ST8SIA3: variants seen among roughly 807,000 people sequenced by gnomAD.
ST8SIA3 encodes ST8 alpha-N-acetyl-neuraminide alpha-2,8-sialyltransferase 3.
A neutral mutation model predicts 34.5 loss-of-function variants in ST8SIA3; 17 were observed. The ratio of observed to expected loss-of-function variants is 0.49; its 90% CI spans 0.34 to 0.74. ST8SIA3 has a LOEUF of 0.74. ST8SIA3 is among the 30% of genes least tolerant of loss of function. The pLI is 0.01. For missense variants in ST8SIA3, 354 were observed against 467.8 expected, an observed-to-expected ratio of 0.76 and a Z score of 2.24; for synonymous variants, 172 against 176.1, an observed-to-expected ratio of 0.98 and a Z score of 0.19.
intron 2 of ST8SIA3, 31 bp from the exon 3 acceptor site, chr18:57,356,882 A>T: frequency 7.3e-7 from 1 of 1,372,988 alleles, no homozygotes; most frequent in South Asian, 1.3e-5. Flanking sequence ...TTCTGAATGG[A>T]ATGCTTTTCA....
chr18:57,354,208 G>C (rs985830747), intron 1 of ST8SIA3, among the ~76,000 whole-genome samples, 194 bp from the exon 2 acceptor site: 1 of 152,218 alleles, frequency 6.6e-6, no homozygotes, highest in Non-Finnish European at 1.5e-5. Flanking sequence ...AATGCAGATG[G>C]GGTTCCCTAG....
At position 57,368,113 on chromosome 18, in the gene ST8SIA3, T is replaced by TA. The variant is rs2049870739; in HGVS notation, c.*7837dup. On this transcript the variant is annotated 3_prime_UTR_variant, in exon 4 of 4. Transcript: ENST00000324000. ...ATTTGCCCAGCTAGCTAACTGGAAT[T>TA]AGAGTCTGGGTCTCCCAACCACTGA... 1 of 152,228 alleles carries TA rather than the reference T, an allele frequency of 6.6e-6. No homozygotes were observed. The highest frequency in any genetic ancestry group is 2.4e-5 in the African/African-American group (1 of 41,462). 9.4% of individuals were successfully genotyped at this position (152,228 alleles called of 1,614,324 possible).
chr18:57,360,596 G>A lies in ST8SIA3; in HGVS notation c.*319G>A. The A allele has an allele frequency of 3.5e-6, 1 of 289,062 alleles. No homozygotes were observed. The highest frequency in any genetic ancestry group is 6.5e-6 in the Non-Finnish European group (1 of 153,692). The allele number at this position is 289,062 out of a possible 1,614,324, so 17.9% of individuals were successfully genotyped here. On this transcript the variant is annotated 3_prime_UTR_variant, in exon 4 of 4. Transcript: ENST00000324000. ...GCCTCTCATTTTTATGAGGACTAGA[G>A]CTATAGTTTCTGCAGCTCTGCTCAG...
chr18:57,353,678 A>G (rs539853186), intron 1 of ST8SIA3, among the ~76,000 whole-genome samples: 1 of 151,906 alleles, frequency 6.6e-6, no homozygotes, highest in South Asian at 2.1e-4. Flanking sequence ...GGTCGGAGTC[A>G]CCGCTCCGCG....
chr18:57,357,575 GT>G, intron 3 of ST8SIA3, 105 bp downstream of exon 3: 2 of 881,448 alleles, frequency 2.3e-6, no homozygotes, highest in Non-Finnish European at 3.5e-6. Flanking sequence ...GTTGTGGTGA[GT>G]TTAGTAGTAA....
At position 57,359,996 on chromosome 18, in the gene ST8SIA3, T is replaced by C. The variant is rs1290610465; in HGVS notation, c.862T>C (p.Tyr288His). The C allele has an allele frequency of 1.2e-6, 2 of 1,610,506 alleles. No individual in the cohort carries two copies. The highest frequency in any genetic ancestry group is 3.3e-5 in the Admixed American group (2 of 59,916). Residue 288 changes from tyrosine (Y) to histidine (H), a missense_variant and splice_region_variant, in exon 4 of 4, where the codon TAC becomes CAC. Coordinates refer to ENST00000324000, the MANE Select transcript of ST8SIA3 (RefSeq NM_015879.3). ...CCAAATGTACTTATTGTTCCACAGG[T>C]ACTGGAAAAACAAACATTTGTCACC... ...PGNIMQHVNR[Y>H]WKNKHLSPKR...
chr18:57,354,757 T>A (rs1170311427), intron 2 of ST8SIA3, among the ~76,000 whole-genome samples: 1 of 147,526 alleles, frequency 6.8e-6, no homozygotes, highest in African/African-American at 2.6e-5. Context: ...TCAGGACCAA[T>A]TTGAATAGCA....
chr18:57,366,180 G>A lies in ST8SIA3; in HGVS notation c.*5903G>A, dbSNP rs2049859560. 6.6e-6 allele frequency: 1 copy of A among 152,188 alleles called. No homozygotes were observed. Among genetic ancestry groups the A allele is most frequent in the Non-Finnish European group, 1.5e-5 (1 of 68,038 alleles). 9.4% of individuals were successfully genotyped at this position (152,188 alleles called of 1,614,324 possible). On this transcript the variant is annotated 3_prime_UTR_variant, in exon 4 of 4. Transcript: ENST00000324000. ...TTTTAAGTCAGTGAGTACCAAATAG[G>A]AGAGGCTAGCAGAGGCTTTGGAGGG...
rs1568101494 is a variant in ST8SIA3 at position 57,357,451 on chromosome 18, A to G, written c.841A>G (p.Ile281Val). ...LKVQLAWPGN[I>V]MQHVNRYWKN... ...AGTCCAACTGGCTTGGCCGGGAAATATAATGCAACATGTCAACAGGTGTGT... is the reference window on the plus strand; with the variant it reads ...AGTCCAACTGGCTTGGCCGGGAAATGTAATGCAACATGTCAACAGGTGTGT... The change falls in exon 3 of 4, where the codon ATA becomes GTA. Residue 281 changes from isoleucine (I) to valine (V), a missense_variant. By Grantham distance (29) the Ile-to-Val change is conservative (BLOSUM62 3). This residue lies in a region of ST8SIA3 where 166 missense variants were observed against 245.2 expected (regional missense o/e 0.68). Transcript: ENST00000324000. 3.7e-6 allele frequency: 6 copies of G among 1,611,772 alleles called. No homozygotes were observed. The highest frequency in any genetic ancestry group is 5.1e-6 in the Non-Finnish European group (6 of 1,179,452).
In ST8SIA3 at chr18:57,366,194, G is replaced by A. The variant is rs1215282331; in HGVS notation, c.*5917G>A. ...GTACCAAATAGGAGAGGCTAGCAGA[G>A]GCTTTGGAGGGACTTTTAAATGTCC... On this transcript the variant is annotated 3_prime_UTR_variant, in exon 4 of 4. Transcript: ENST00000324000. 3 of 152,226 alleles carry A rather than the reference G, an allele frequency of 2.0e-5. No individual in the cohort carries two copies. The highest frequency in any genetic ancestry group is 1.3e-4 in the Admixed American group (2 of 15,300). The allele number at this position is 152,226 out of a possible 1,614,324, so 9.4% of individuals were successfully genotyped here. A position where few individuals can be genotyped will look rare whatever the true frequency, so the allele number is the denominator to read the frequency against.
At position 57,356,949 on chromosome 18, in the gene ST8SIA3, T is replaced by C. The variant is rs140018008; in HGVS notation, c.339T>C (p.Asn113=). Residue 113 remains asparagine (N), a synonymous_variant, in exon 3 of 4, where the codon AAT becomes AAC. Transcript: ENST00000324000. ...TTCAGCATGTCGATGTAATAAAAAA[T>C]TTTTCTTTGACCAAGAATAGTGTTC... ...EILQHVDVIK[N]FSLTKNSVRI... 281 of 1,600,592 alleles carry C rather than the reference T, an allele frequency of 1.8e-4. 1 individual carries two copies. In the African/African-American group the frequency reaches 3.5e-3, roughly 20 times the overall value.
intron 3 of ST8SIA3, 85 bp from the exon 4 acceptor site, chr18:57,359,910 C>A: frequency 8.2e-7 from 1 of 1,226,296 alleles, no homozygotes; most frequent in Non-Finnish European, 1.1e-6. Flanking sequence ...GTAACAAATC[C>A]ACTACCCAGC....
Position 57,357,384 on chromosome 18 carries a change from G to A in ST8SIA3, c.774G>A (p.Arg258=), listed in dbSNP as rs1409475903. The part of the protein sequence containing the change: ...FFFHTSATVT[R]TLVDFFVEHR... ...TCCACACTTCAGCAACTGTGACCAGGACATTAGTTGACTTTTTTGTTGAAC... is the reference window on the plus strand; with the variant it reads ...TCCACACTTCAGCAACTGTGACCAGAACATTAGTTGACTTTTTTGTTGAAC... The change falls in exon 3 of 4, where the codon AGG becomes AGA. Residue 258 remains arginine (R), a synonymous_variant. Transcript: ENST00000324000. 5 of 1,613,078 alleles carry A rather than the reference G, an allele frequency of 3.1e-6. No individual in the cohort carries two copies. The highest frequency in any genetic ancestry group is 4.2e-6 in the Non-Finnish European group (5 of 1,179,974).
chr18:57,354,420 G>T lies in ST8SIA3; in HGVS notation c.198G>T (p.Lys66Asn). ...HAGFRSQFAL[K>N]FLDPSFVPIT... is the part of the protein sequence containing the mutation. Reference sequence around the variant, plus strand: ...TCTCCAGGTCACAATTTGCGCTGAAGTTTCTAGACCCGTCATTCGTGCCCA... The same window carrying T: ...TCTCCAGGTCACAATTTGCGCTGAATTTTCTAGACCCGTCATTCGTGCCCA... Residue 66 changes from lysine (K) to asparagine (N), a missense_variant, in exon 2 of 4, where the codon AAG becomes AAT. Transcript: ENST00000324000. The T allele has an allele frequency of 6.2e-7, 1 of 1,614,124 alleles. No homozygotes were observed. Among genetic ancestry groups the T allele is most frequent in the South Asian group, 1.1e-5 (1 of 91,082 alleles).
rs997684789 is a variant in ST8SIA3 at position 57,366,196 on chromosome 18, CT to C, written c.*5922del. ...ACCAAATAGGAGAGGCTAGCAGAGG[CT>C]TTGGAGGGACTTTTAAATGTCCCCT... On this transcript the variant is annotated 3_prime_UTR_variant, in exon 4 of 4. Coordinates refer to ENST00000324000, the MANE Select transcript of ST8SIA3 (RefSeq NM_015879.3). The C allele has an allele frequency of 8.5e-5, 13 of 152,148 alleles. No individual in the cohort carries two copies. The highest frequency in any genetic ancestry group is 1.3e-4 in the Non-Finnish European group (9 of 68,034). 9.4% of individuals were successfully genotyped at this position (152,148 alleles called of 1,614,324 possible). A position where few individuals can be genotyped will look rare whatever the true frequency, so the allele number is the denominator to read the frequency against.
chr18:57,357,129 G>A lies in ST8SIA3; in HGVS notation c.519G>A (p.Gly173=), dbSNP rs1002865494. ...TTGGAAATAGTGGGATCCTGACAGG[G>A]AGCCAGTGTGGACAAGAAATAGATA... ...AVVGNSGILT[G]SQCGQEIDKS... is the part of the protein sequence containing the mutation. The change falls in exon 3 of 4, where the codon GGG becomes GGA. Residue 173 remains glycine, a synonymous_variant. Transcript: ENST00000324000. The A allele has an allele frequency of 1.2e-6, 2 of 1,614,026 alleles. No individual in the cohort carries two copies. The highest frequency in any genetic ancestry group is 1.7e-6 in the Non-Finnish European group (2 of 1,179,962).
At chr18:57,356,637 A>G (rs1346233489) in intron 2 of ST8SIA3, among the ~76,000 whole-genome samples, 2 of 152,110 alleles carry the variant, frequency 1.3e-5, no homozygotes, top group Non-Finnish European at 2.9e-5. Flanking sequence ...AATAAGATAC[A>G]CTCTTCACGT....
In ST8SIA3 at chr18:57,360,282, T is replaced by G. The variant is rs1349863885; in HGVS notation, c.*5T>G. 1.2e-6 allele frequency: 2 copies of G among 1,609,102 alleles called. No homozygotes were observed. Among genetic ancestry groups the G allele is most frequent in the Non-Finnish European group, 1.7e-6 (2 of 1,176,388 alleles). On this transcript the variant is annotated 3_prime_UTR_variant, in exon 4 of 4. Coordinates refer to ENST00000324000, the MANE Select transcript of ST8SIA3 (RefSeq NM_015879.3). ...ACTCTGTCACACTGTGCCTAAGAAC[T>G]CCAAACGGAAAGCGCCAAATGGCTG...
Position 57,368,355 on chromosome 18 carries a change from G to A in ST8SIA3, c.*8078G>A, listed in dbSNP as rs888881844. On this transcript the variant is annotated 3_prime_UTR_variant, in exon 4 of 4. Coordinates refer to ENST00000324000, the MANE Select transcript of ST8SIA3 (RefSeq NM_015879.3). Reference sequence around the variant, plus strand: ...TTTAAGAGTAATGATGAAACCAAAAGGTCAAAAAGTAGAAGAATAGCGAAT... The same window carrying A: ...TTTAAGAGTAATGATGAAACCAAAAAGTCAAAAAGTAGAAGAATAGCGAAT... 6.6e-6 allele frequency: 1 copy of A among 152,150 alleles called. No individual in the cohort carries two copies. The highest frequency in any genetic ancestry group is 2.4e-5 in the African/African-American group (1 of 41,430). The allele number at this position is 152,150 out of a possible 1,614,324, so 9.4% of individuals were successfully genotyped here. A position where few individuals can be genotyped will look rare whatever the true frequency, so the allele number is the denominator to read the frequency against.
Sources: gnomAD v4.1 joint callset for allele counts (sites outside exome capture counted in the v4.1 genomes callset) on GRCh38, gnomAD v4.1.1 for gene constraint, gnomAD v4.1.1 regional missense constraint, MANE v1.5 for transcripts, NCBI Gene and HGNC (gene_info 2026-07-23, HGNC 2026-07-21) for gene names.